OASL: variants seen among roughly 807,000 people sequenced by gnomAD.
The protein encoded by OASL is 2'-5'-oligoadenylate synthetase like, also known as 2'-5'-oligoadenylate synthase-like protein.
OASL carries 28 observed loss-of-function variants against 35.3 expected under a neutral mutation model. That is an observed-to-expected ratio of 0.79 (90% CI 0.59 to 1.09). The LOEUF (loss-of-function observed/expected upper bound fraction) is 1.09. OASL is among the 50% of genes least tolerant of loss of function. The probability of loss-of-function intolerance (pLI) is 0.00; values close to 1 mark genes in which losing one functional copy is unlikely to be tolerated. For synonymous variants in OASL, 252 were observed against 254.6 expected, an observed-to-expected ratio of 0.99 and a Z score of 0.10; for missense variants, 620 against 635.2, an observed-to-expected ratio of 0.98 and a Z score of 0.26.
intron 1 of OASL, among the ~76,000 whole-genome samples, chr12:121,037,559 G>A (rs1329017752): frequency 2.0e-5 from 3 of 148,978 alleles, no homozygotes; most frequent in Non-Finnish European, 4.5e-5. Context: ...CAGATCATGA[G>A]GTCAGGAGAT....
intron 4 of OASL, among the ~76,000 whole-genome samples, chr12:121,026,808 C>T (rs913767623): frequency 2.6e-5 from 4 of 151,030 alleles, no homozygotes; most frequent in Admixed American, 1.3e-4. Context: ...GTGGAGATTG[C>T]GCCACTGCAC....
At chr12:121,023,728 C>G in intron 5 of OASL, 1 of 375,076 alleles carries the variant, frequency 2.7e-6, no homozygotes, top group Admixed American at 3.8e-5. Context: ...AAAGAATGAT[C>G]AGGAACACAG....
intron 1 of OASL, among the ~76,000 whole-genome samples, chr12:121,037,597 AC>A (rs985222783): frequency 2.0e-5 from 3 of 151,632 alleles, no homozygotes; most frequent in Non-Finnish European, 4.4e-5. Flanking sequence ...ACACGGTGAA[AC>A]CCTGTCTCTA....
At chr12:121,027,088 G>A (rs1473824327) in intron 4 of OASL, among the ~76,000 whole-genome samples, 1 of 152,134 alleles carries the variant, frequency 6.6e-6, no homozygotes, top group Non-Finnish European at 1.5e-5. Context: ...TCCAATATAA[G>A]CATTTACTCA....
At chr12:121,026,951 T>C (rs2135906458) in intron 4 of OASL, among the ~76,000 whole-genome samples, 1 of 151,378 alleles carries the variant, frequency 6.6e-6, no homozygotes, top group Middle Eastern at 3.4e-3. Context: ...CCAGATCTGG[T>C]GGAGGGCTCT....
At chr12:121,024,209 G>A (rs779941136) in intron 4 of OASL, 72 bp from the exon 5 acceptor site, 13 of 1,532,034 alleles carry the variant, frequency 8.5e-6, no homozygotes, top group South Asian at 8.2e-5. Context: ...AAACCTTCTC[G>A]GCAATTATTT....
intron 1 of OASL, among the ~76,000 whole-genome samples, chr12:121,036,057 C>T (rs2135917427): frequency 6.6e-6 from 1 of 152,148 alleles, no homozygotes; most frequent in African/African-American, 2.4e-5. Context: ...AGTCGGGGGT[C>T]TCACCATTTT....
rs1321725993 is a variant in OASL, at chr12:121,020,789, CT to C, written c.1316del (p.Lys439ArgfsTer21). 3.1e-6 allele frequency: 5 copies of C among 1,614,096 alleles called. No homozygotes were observed. The highest frequency in any genetic ancestry group is 4.2e-6 in the Non-Finnish European group (5 of 1,180,026). On this transcript the variant is annotated frameshift_variant, in exon 6 of 6. Transcript: ENST00000257570. LOFTEE classifies it low-confidence loss of function (END_TRUNC). Reference sequence around the variant, plus strand: ...AGGCGTAGCTCCCACCATCAGGATTCTTCACGAAGACCTGGATCTCGGAGGG... The same window carrying C: ...AGGCGTAGCTCCCACCATCAGGATTCTCACGAAGACCTGGATCTCGGAGGG...
At chr12:121,038,446 C>T (rs1408585330) in intron 1 of OASL, among the ~76,000 whole-genome samples, 2 of 152,178 alleles carry the variant, frequency 1.3e-5, no homozygotes, top group Non-Finnish European at 2.9e-5. Flanking sequence ...CAACCAAGGA[C>T]CTCGCATTGT....
chr12:121,024,808 T>C (rs1869412562), intron 4 of OASL, among the ~76,000 whole-genome samples: 1 of 152,046 alleles, frequency 6.6e-6, no homozygotes, highest in Non-Finnish European at 1.5e-5. Context: ...CTTTGGATAG[T>C]AGAAACACCA....
At chr12:121,023,882 C>T in intron 5 of OASL, 108 bp downstream of exon 5, 2 of 1,373,420 alleles carry the variant, frequency 1.5e-6, no homozygotes, top group Non-Finnish European at 1.0e-6. Flanking sequence ...TAAACGGTGA[C>T]TCTAAAGTTC....
intron 1 of OASL, among the ~76,000 whole-genome samples, chr12:121,034,470 C>T (rs555319685): frequency 3.9e-5 from 6 of 152,256 alleles, no homozygotes; most frequent in African/African-American, 1.4e-4. Flanking sequence ...GCTTCTGAGA[C>T]CCAGTCTTCT....
At chr12:121,038,668 A>T (rs2135920064) in intron 1 of OASL, 106 bp downstream of exon 1, 2 of 1,056,434 alleles carry the variant, frequency 1.9e-6, no homozygotes, top group Non-Finnish European at 2.9e-6. Flanking sequence ...AGATGTCATC[A>T]GCATGGGCTA....
At chr12:121,023,560 G>A (rs1351504484) in intron 5 of OASL, among the ~76,000 whole-genome samples, 2 of 152,150 alleles carry the variant, frequency 1.3e-5, no homozygotes, top group South Asian at 4.1e-4. Context: ...AAAGTGCTGG[G>A]ATTACAGGCG....
Position 121,027,522 on chromosome 12 carries a change from A to G in OASL, c.899+54T>C. The stretch of plus-strand genomic sequence containing the variant: ...ATAAAACTCTATGCCACGTTACACT[A>G]GCCCGTCTCTCTTTTTTTCTGTAAG... On this transcript the variant is annotated intron_variant, in intron 4 of 5. Coordinates refer to ENST00000257570, the Ensembl canonical transcript of OASL. The G allele has an allele frequency of 4.4e-6, 7 of 1,607,500 alleles. No homozygotes were observed. In the Admixed American group the frequency reaches 1.2e-4, roughly 27 times the overall value.
chr12:121,034,742 G>C (rs957462463), intron 1 of OASL, among the ~76,000 whole-genome samples: 3 of 152,108 alleles, frequency 2.0e-5, no homozygotes. Flanking sequence ...GTTGGAACAA[G>C]AGTCACTGGG....
chr12:121,026,684 T>C (rs1869499921), intron 4 of OASL, among the ~76,000 whole-genome samples: 1 of 152,010 alleles, frequency 6.6e-6, no homozygotes, highest in Non-Finnish European at 1.5e-5. Flanking sequence ...AAGCACTGTC[T>C]CTACAAAAAT....
At chr12:121,033,843 C>T (rs1209790266) in intron 1 of OASL, 100 bp from the exon 2 acceptor site, 13 of 1,292,736 alleles carry the variant, frequency 1.0e-5, no homozygotes, top group African/African-American at 8.7e-5. Context: ...GCTCACCACC[C>T]GCTGAGGGAT....
At chr12:121,033,268 A>T (rs1869814268) in intron 2 of OASL, among the ~76,000 whole-genome samples, 193 bp downstream of exon 2, 1 of 152,088 alleles carries the variant, frequency 6.6e-6, no homozygotes, top group Non-Finnish European at 1.5e-5. Flanking sequence ...CAATTTCTGT[A>T]TTCCAAGTTG....
Sources: allele counts gnomAD v4.1 joint callset (sites outside exome capture counted in the v4.1 genomes callset), GRCh38; gene constraint gnomAD v4.1.1; transcripts MANE v1.5; gene names NCBI Gene and HGNC (gene_info 2026-07-23, HGNC 2026-07-21).